Variants in MEIKIN observed in about 807,000 individuals in gnomAD.
MEIKIN encodes meiosis-specific kinetochore protein.
At chr5:131,844,364 C>G (rs1749973256) in intron 11 of MEIKIN, among the ~76,000 whole-genome samples, 2 of 152,160 alleles carry the variant, frequency 1.3e-5, no homozygotes, top group Admixed American at 6.5e-5. Context: ...CATTGAAGGA[C>G]AGTAATCTCC....
intron 8 of MEIKIN, among the ~76,000 whole-genome samples, chr5:131,890,944 A>T (rs1454998097): frequency 6.6e-6 from 1 of 152,208 alleles, no homozygotes; most frequent in African/African-American, 2.4e-5. Context: ...TTCAAAGAAC[A>T]TCTTTATTTC....
At chr5:131,889,091 C>G (rs373877787) in intron 8 of MEIKIN, among the ~76,000 whole-genome samples, 21 of 152,106 alleles carry the variant, frequency 1.4e-4, no homozygotes, top group Non-Finnish European at 2.9e-4. Flanking sequence ...GGTACCAGTA[C>G]CATGCTGTTT....
chr5:131,871,781 G>A (rs1171052943), intron 9 of MEIKIN, among the ~76,000 whole-genome samples: 3 of 152,058 alleles, frequency 2.0e-5, no homozygotes, highest in Admixed American at 6.5e-5. Context: ...ACACAGCCGG[G>A]TACTCCTCTG....
At chr5:131,860,611 AT>A (rs201743541) in intron 9 of MEIKIN, among the ~76,000 whole-genome samples, 12 of 81,444 alleles carry the variant, frequency 1.5e-4, no homozygotes, top group East Asian at 8.5e-4. Context: ...TGCCAGGATA[AT>A]TTTTTTTTTT....
At chr5:131,879,866 G>A (rs569658374) in intron 8 of MEIKIN, among the ~76,000 whole-genome samples, 1 of 152,294 alleles carries the variant, frequency 6.6e-6, no homozygotes, top group African/African-American at 2.4e-5. Context: ...TTTATTGAGT[G>A]TCTGCTATGT....
intron 9 of MEIKIN, among the ~76,000 whole-genome samples, chr5:131,857,391 C>T (rs1750213503): frequency 6.6e-6 from 1 of 152,130 alleles, no homozygotes; most frequent in Non-Finnish European, 1.5e-5. Flanking sequence ...GGATGCCCAT[C>T]CTCCAAGGCT....
chr5:131,875,947 G>C (rs929723876), intron 9 of MEIKIN, among the ~76,000 whole-genome samples: 1 of 152,182 alleles, frequency 6.6e-6, no homozygotes, highest in South Asian at 2.1e-4. Context: ...GCCATATGTA[G>C]AAAGCTGAAA....
At chr5:131,877,675 C>A (rs190004278) in intron 9 of MEIKIN, among the ~76,000 whole-genome samples, 2 of 152,088 alleles carry the variant, frequency 1.3e-5, no homozygotes, top group African/African-American at 4.8e-5. Flanking sequence ...AAAAAGACCC[C>A]GATGCCATGC....
intron 8 of MEIKIN, among the ~76,000 whole-genome samples, chr5:131,897,085 C>CA (rs1305662654): frequency 6.6e-6 from 1 of 152,196 alleles, no homozygotes; most frequent in Non-Finnish European, 1.5e-5. Flanking sequence ...CTGGTGGTGA[C>CA]AAAATCTCTC....
Position 131,914,010 on chromosome 5 carries a change from CATGGATTAATGGAGTA to C in MEIKIN, c.639-2147_639-2132del, listed in dbSNP as rs1009731113. ...GCCTTCATAAATGGATTAAGCCATTCATGGATTAATGGAGTAATGGATTAATATGTTATCATGGGAA... is the reference window on the plus strand; with the variant it reads ...GCCTTCATAAATGGATTAAGCCATTCATGGATTAATATGTTATCATGGGAA... On this transcript the variant is annotated intron_variant, in intron 7 of 12. Coordinates refer to ENST00000442687, the MANE Select transcript of MEIKIN (RefSeq NM_001303622.2). Among the ~76,000 whole-genome samples, 16 of 152,096 alleles carry C rather than the reference CATGGATTAATGGAGTA, an allele frequency of 1.1e-4. 1 individual carries two copies. In the South Asian group the frequency reaches 2.5e-3, roughly 24 times the overall value.
chr5:131,933,001 G>GT lies in MEIKIN; in HGVS notation c.478+511dup, dbSNP rs141173138. On this transcript the variant is annotated intron_variant, in intron 5 of 12. Coordinates refer to ENST00000442687, the MANE Select transcript of MEIKIN (RefSeq NM_001303622.2). ...TTCAATTATCTTTGTCCTTATGAGC[G>GT]TATTACTTTAAAGAAAAAGCTGTTT... Among the ~76,000 whole-genome samples the GT allele has an allele frequency of 4.4e-3, 662 of 152,018 alleles. 6 individuals carry two copies. The highest frequency in any genetic ancestry group is 0.015 in the African/African-American group (634 of 41,452).
At chr5:131,933,692 G>A (rs1751725536) in intron 4 of MEIKIN, 51 bp from the exon 5 acceptor site, 1 of 396,026 alleles carries the variant, frequency 2.5e-6, no homozygotes, top group South Asian at 1.3e-4. Context: ...ACAAAACAAT[G>A]TGAAATCCTA....
intron 9 of MEIKIN, among the ~76,000 whole-genome samples, chr5:131,871,647 G>A (rs1036041442): frequency 2.0e-5 from 3 of 152,198 alleles, no homozygotes; most frequent in Non-Finnish European, 4.4e-5. Flanking sequence ...TTTGAAGAGA[G>A]TAGTGGTTCT....
chr5:131,879,177 C>T (rs1472191305), intron 8 of MEIKIN, 129 bp from the exon 9 acceptor site: 9 of 390,020 alleles, frequency 2.3e-5, no homozygotes, highest in Non-Finnish European at 4.5e-6. Context: ...TTAATGACTG[C>T]ACCTTTGTCA....
chr5:131,942,810 C>T (rs990983848), intron 3 of MEIKIN, 115 bp from the exon 4 acceptor site: 1 of 379,720 alleles, frequency 2.6e-6, no homozygotes, highest in Non-Finnish European at 4.7e-6. Context: ...TTATATGTTT[C>T]ATATATATAA....
At chr5:131,821,325 A>AT (rs1421750257) in intron 11 of MEIKIN, among the ~76,000 whole-genome samples, 1 of 152,078 alleles carries the variant, frequency 6.6e-6, no homozygotes, top group Non-Finnish European at 1.5e-5. Context: ...CTCATTATTG[A>AT]TTTTAAGTTT....
intron 6 of MEIKIN, among the ~76,000 whole-genome samples, chr5:131,917,515 G>A (rs542165829): frequency 1.4e-5 from 2 of 145,070 alleles, no homozygotes; most frequent in South Asian, 4.3e-4. Flanking sequence ...GCAGTGAGCC[G>A]AGATTGCGCC....
At chr5:131,874,740 T>A (rs1385496991) in intron 9 of MEIKIN, among the ~76,000 whole-genome samples, 1 of 152,092 alleles carries the variant, frequency 6.6e-6, no homozygotes, top group Non-Finnish European at 1.5e-5. Flanking sequence ...GATGCAAAAA[T>A]CCTCAATAAA....
chr5:131,938,454 C>G (rs1286224484), intron 4 of MEIKIN, among the ~76,000 whole-genome samples: 1 of 152,136 alleles, frequency 6.6e-6, no homozygotes, highest in Non-Finnish European at 1.5e-5. Context: ...AGGGGTGAGC[C>G]ACCGTGCCTG....
Sources: allele counts gnomAD v4.1 joint callset (sites outside exome capture counted in the v4.1 genomes callset), GRCh38; gene constraint gnomAD v4.1.1; transcripts MANE v1.5; gene names NCBI Gene and HGNC (gene_info 2026-07-23, HGNC 2026-07-21).